GALNT9: variants seen among roughly 807,000 people sequenced by gnomAD.
The protein encoded by GALNT9 is GalNAc transferase 9.
Under a neutral mutation model 63.1 loss-of-function variants are expected in GALNT9, and 47 were observed. The observed-to-expected ratio is 0.75, with a 90% CI of 0.59 to 0.95. The LOEUF (loss-of-function observed/expected upper bound fraction) is 0.95. Ranked by LOEUF, GALNT9 falls within the 40% of genes least tolerant of loss-of-function variation. The pLI is 0.00. For synonymous variants in GALNT9, 396 were observed against 365.7 expected, an observed-to-expected ratio of 1.08 and a Z score of -0.94; for missense variants, 829 against 874.8, an observed-to-expected ratio of 0.95 and a Z score of 0.66.
intron 6 of GALNT9, chr12:132,247,536 G>A (rs1455579270): frequency 2.1e-6 from 1 of 474,120 alleles, no homozygotes; most frequent in Admixed American, 2.3e-5. Context: ...TCAGTGCGCT[G>A]AGCAGGAGCC....
At position 132,288,438 on chromosome 12, in the gene GALNT9, C is replaced by T. The variant is rs532566708; in HGVS notation, c.239-2008G>A. 7.2e-5 allele frequency among the ~76,000 whole-genome samples: 11 copies of T among 152,334 alleles called. 1 individual carries two copies. In the East Asian group the frequency reaches 1.9e-3, roughly 27 times the overall value. Reference sequence around the variant, plus strand: ...ACGTAATCATGCTATTTTAAAATATCGATACTGCACTTGCATTTTTCACTT... The same window carrying T: ...ACGTAATCATGCTATTTTAAAATATTGATACTGCACTTGCATTTTTCACTT... On this transcript the variant is annotated intron_variant, in intron 1 of 10. Coordinates refer to ENST00000328957, the MANE Select transcript of GALNT9 (RefSeq NM_001122636.2).
chr12:132,309,876 A>AC (rs1200598796), intron 1 of GALNT9, among the ~76,000 whole-genome samples: 5 of 152,192 alleles, frequency 3.3e-5, no homozygotes, highest in African/African-American at 9.7e-5. Flanking sequence ...CCGGGCCACC[A>AC]CCCGTCCCCT....
chr12:132,208,628 C>T (rs1008969520), intron 6 of GALNT9, among the ~76,000 whole-genome samples: 3 of 152,160 alleles, frequency 2.0e-5, no homozygotes, highest in African/African-American at 7.2e-5. Context: ...GAGCCCATTC[C>T]TCCCCACCCC....
chr12:132,318,609 C>A (rs1269926397), intron 1 of GALNT9, among the ~76,000 whole-genome samples: 1 of 152,246 alleles, frequency 6.6e-6, no homozygotes, highest in Non-Finnish European at 1.5e-5. Flanking sequence ...AGGTTCAGGG[C>A]CGCCCTAAAC....
At chr12:132,306,193 C>T (rs911845812) in intron 1 of GALNT9, among the ~76,000 whole-genome samples, 9 of 152,260 alleles carry the variant, frequency 5.9e-5, no homozygotes, top group South Asian at 2.1e-4. Flanking sequence ...AGCGGCTGTC[C>T]GCACCGGAAC....
intron 6 of GALNT9, among the ~76,000 whole-genome samples, chr12:132,228,128 A>G (rs928233267): frequency 3.9e-5 from 6 of 152,018 alleles, no homozygotes; most frequent in African/African-American, 1.2e-4. Flanking sequence ...TGTGGCTGGA[A>G]CAAGCCCTTG....
chr12:132,196,686 G>C lies in GALNT9; in HGVS notation c.*421C>G. Reference sequence around the variant, plus strand: ...GGAGGGCTGAGCGGCCGCAAGTGCTGGGGGAGGCTGCTTGGAGCATGGGAG... The same window carrying C: ...GGAGGGCTGAGCGGCCGCAAGTGCTCGGGGAGGCTGCTTGGAGCATGGGAG... On this transcript the variant is annotated 3_prime_UTR_variant, in exon 11 of 11. Coordinates refer to ENST00000328957, the MANE Select transcript of GALNT9 (RefSeq NM_001122636.2). 8 of 1,003,902 alleles carry C rather than the reference G, an allele frequency of 8.0e-6. No individual in the cohort carries two copies. The highest frequency in any genetic ancestry group is 9.5e-6 in the Non-Finnish European group (8 of 841,944). 62.2% of individuals were successfully genotyped at this position (1,003,902 alleles called of 1,614,324 possible).
At chr12:132,320,539 C>G (rs558388596) in intron 1 of GALNT9, among the ~76,000 whole-genome samples, 1 of 88,324 alleles carries the variant, frequency 1.1e-5, no homozygotes, top group Non-Finnish European at 2.3e-5. Context: ...AAACATGTAT[C>G]GTTTTACTAG....
chr12:132,255,214 A>G (rs1879064854), intron 5 of GALNT9, among the ~76,000 whole-genome samples: 1 of 152,196 alleles, frequency 6.6e-6, no homozygotes, highest in Non-Finnish European at 1.5e-5. Flanking sequence ...ATTCTGGAAC[A>G]CTAAAACACA....
At chr12:132,300,159 C>A (rs1476987713) in intron 1 of GALNT9, among the ~76,000 whole-genome samples, 6 of 148,058 alleles carry the variant, frequency 4.1e-5, no homozygotes, top group Non-Finnish European at 7.5e-5. Flanking sequence ...CCAAGCCACT[C>A]CTGAGATAAC....
At chr12:132,285,043 C>A (rs1225643689) in intron 2 of GALNT9, among the ~76,000 whole-genome samples, 2 of 152,240 alleles carry the variant, frequency 1.3e-5, no homozygotes, top group African/African-American at 4.8e-5. Flanking sequence ...TCCCTGCCAG[C>A]CTCCTGATCC....
chr12:132,245,050 G>A lies in GALNT9; in HGVS notation c.1077+2860C>T, dbSNP rs902559674. Among the ~76,000 whole-genome samples the A allele has an allele frequency of 1.3e-5, 2 of 151,962 alleles. No homozygotes were observed. Among genetic ancestry groups the A allele is most frequent in the African/African-American group, 2.4e-5 (1 of 41,324 alleles). On this transcript the variant is annotated intron_variant, in intron 6 of 10. Coordinates refer to ENST00000328957, the MANE Select transcript of GALNT9 (RefSeq NM_001122636.2). The surrounding 1 kb of genome is among the most constrained non-coding windows in gnomAD (Gnocchi z 6.3). ...TCAGGGAGTGGAGTAAACGCTGGGC[G>A]CGGCCACAGCTGTGCCTTGTCAGGG...
rs2136896363 is a variant in GALNT9, at chr12:132,238,972, C to A, written c.1077+8938G>T. 5.9e-5 allele frequency among the ~76,000 whole-genome samples: 9 copies of A among 152,210 alleles called. No homozygotes were observed. Among genetic ancestry groups the A allele is most frequent in the Admixed American group, 3.3e-4 (5 of 15,284 alleles). On this transcript the variant is annotated intron_variant, in intron 6 of 10. Coordinates refer to ENST00000328957, the MANE Select transcript of GALNT9 (RefSeq NM_001122636.2). This position sits in a 1 kb window ranked among gnomAD's most constrained non-coding sequence, Gnocchi z 6.5. ...AGTTAAAGTGGTTGGATACCACAGT[C>A]TGGAAGGCTTTGTCGTCTGATGGCC...
At chr12:132,309,080 C>A (rs1555244925) in intron 1 of GALNT9, among the ~76,000 whole-genome samples, 1 of 152,240 alleles carries the variant, frequency 6.6e-6, no homozygotes, top group Non-Finnish European at 1.5e-5. Flanking sequence ...CAGAACCCGG[C>A]CCCACCCATT....
intron 1 of GALNT9, among the ~76,000 whole-genome samples, chr12:132,306,050 G>A (rs1311612157): frequency 2.6e-5 from 4 of 152,166 alleles, no homozygotes; most frequent in East Asian, 3.9e-4. Context: ...AGTGGCTCCC[G>A]CCCTCAGGAC....
chr12:132,216,014 CG>C (rs1416368532), intron 6 of GALNT9, among the ~76,000 whole-genome samples: 3 of 152,032 alleles, frequency 2.0e-5, no homozygotes, highest in Non-Finnish European at 2.9e-5. Context: ...GAGACGGTGG[CG>C]GGGCACACAC....
intron 5 of GALNT9, among the ~76,000 whole-genome samples, chr12:132,249,421 G>A (rs945827528): frequency 6.6e-6 from 1 of 152,208 alleles, no homozygotes; most frequent in East Asian, 1.9e-4. Context: ...AATGCCCATC[G>A]ATTGTCCAAG....
chr12:132,293,175 G>A (rs1880926016), intron 1 of GALNT9, among the ~76,000 whole-genome samples: 1 of 152,224 alleles, frequency 6.6e-6, no homozygotes, highest in South Asian at 2.1e-4. Flanking sequence ...GGGGGGCTCA[G>A]GCAGCTGGGA....
chr12:132,202,265 C>T lies in GALNT9; in HGVS notation c.1264-1004G>A, dbSNP rs11246990. On this transcript the variant is annotated intron_variant, in intron 7 of 10. Coordinates refer to ENST00000328957, the MANE Select transcript of GALNT9 (RefSeq NM_001122636.2). ...AGCACCTCACTCAGTTGCCCACACA[C>T]TTGGGGAGGTCATCACCCTGCACGT... Among the ~76,000 whole-genome samples, 660 of 152,332 alleles carry T rather than the reference C, an allele frequency of 4.3e-3. 15 individuals are homozygous for T. In the East Asian group the frequency reaches 0.064, roughly 15 times the overall value.
Sources: gnomAD v4.1 joint callset for allele counts (sites outside exome capture counted in the v4.1 genomes callset) on GRCh38, gnomAD v4.1.1 for gene constraint, Gnocchi (gnomAD v3.1) non-coding constraint, MANE v1.5 for transcripts, NCBI Gene and HGNC (gene_info 2026-07-23, HGNC 2026-07-21) for gene names.